PDS5A: variants seen among roughly 807,000 people sequenced by gnomAD.
PDS5A encodes PDS5 cohesin associated factor A, also known as sister chromatid cohesion protein PDS5 homolog A.
A neutral mutation model predicts 167.1 loss-of-function variants in PDS5A; 42 were observed. That is an observed-to-expected ratio of 0.25 (90% CI 0.20 to 0.33). The LOEUF is 0.33. Among genes scored for constraint, PDS5A ranks in the 10% least tolerant of loss-of-function variants. The pLI is 1.00. For synonymous variants in PDS5A, 553 were observed against 554.6 expected (o/e 1.00, Z 0.04); for missense variants, 1,033 against 1,605.9 (o/e 0.64, Z 6.10).
At chr4:39,837,777 G>T (rs1716564449) in intron 32 of PDS5A, 79 bp downstream of exon 32, 3 of 1,019,796 alleles carry the variant, frequency 2.9e-6, no homozygotes, top group South Asian at 3.3e-5. Flanking sequence ...TAGGTGTTTG[G>T]GGTGACTGGC....
At chr4:39,915,825 A>G (rs1724325631) in intron 8 of PDS5A, among the ~76,000 whole-genome samples, 1 of 152,242 alleles carries the variant, frequency 6.6e-6, no homozygotes, top group Non-Finnish European at 1.5e-5. Flanking sequence ...TTATTCTAAT[A>G]GCAAGTAACT....
intron 2 of PDS5A, among the ~76,000 whole-genome samples, chr4:39,952,931 G>A (rs911263429): frequency 6.6e-6 from 1 of 152,040 alleles, no homozygotes; most frequent in African/African-American, 2.4e-5. Context: ...GTTTTGCCAT[G>A]TTGGCTAGGC....
At chr4:39,908,679 T>C (rs776382285) in intron 10 of PDS5A, 139 bp from the exon 11 acceptor site, 4 of 625,904 alleles carry the variant, frequency 6.4e-6, no homozygotes, top group Non-Finnish European at 1.1e-5. Context: ...AATTAAATCA[T>C]GTTATTTTTA....
intron 23 of PDS5A, among the ~76,000 whole-genome samples, chr4:39,864,711 G>T (rs533644816): frequency 6.6e-6 from 1 of 152,176 alleles, no homozygotes; most frequent in Non-Finnish European, 1.5e-5. Flanking sequence ...ATTCATTCAG[G>T]AATCAAAGTT....
At chr4:39,930,246 A>AAAAAAAAAAAAAAAATTTTTT in intron 2 of PDS5A, among the ~76,000 whole-genome samples, 4 of 93,162 alleles carry the variant, frequency 4.3e-5, no homozygotes, top group Admixed American at 1.1e-4. Context: ...AAAAAAAAAA[A>AAAAAAAAAAAAAAAATTTTTT]GTTTTTTTGT....
intron 2 of PDS5A, among the ~76,000 whole-genome samples, chr4:39,967,218 T>C (rs774608114): frequency 2.8e-4 from 43 of 152,112 alleles, no homozygotes; most frequent in Admixed American, 2.2e-3. Context: ...AGCAGGAGAA[T>C]TGCTTGAACC....
chr4:39,921,206 A>G (rs770511807), intron 6 of PDS5A, among the ~76,000 whole-genome samples: 4 of 152,190 alleles, frequency 2.6e-5, no homozygotes, highest in Non-Finnish European at 5.9e-5. Context: ...CAACAACTAC[A>G]CAACTCTGCT....
At chr4:39,966,248 C>T (rs1427613223) in intron 2 of PDS5A, among the ~76,000 whole-genome samples, 1 of 152,096 alleles carries the variant, frequency 6.6e-6, no homozygotes, top group African/African-American at 2.4e-5. Context: ...CACTGTGTAG[C>T]AATGAGGGAT....
At chr4:39,829,739 C>T (rs571117721) in intron 32 of PDS5A, among the ~76,000 whole-genome samples, 118 of 151,532 alleles carry the variant, frequency 7.8e-4, no homozygotes, top group Non-Finnish European at 1.2e-3. Context: ...ATCACAAGGT[C>T]AGGAGATCAA....
chr4:39,870,521 G>T (rs1421017237), intron 21 of PDS5A, among the ~76,000 whole-genome samples: 1 of 152,088 alleles, frequency 6.6e-6, no homozygotes, highest in African/African-American at 2.4e-5. Flanking sequence ...CTGGGAAGCG[G>T]AGGTTGTGAT....
At chr4:39,969,203 T>C (rs1416471098) in intron 2 of PDS5A, among the ~76,000 whole-genome samples, 1 of 152,242 alleles carries the variant, frequency 6.6e-6, no homozygotes, top group Admixed American at 6.5e-5. Context: ...TAGCAGAAGT[T>C]AATGACACTT....
intron 26 of PDS5A, 90 bp downstream of exon 26, chr4:39,862,129 A>AATAAATAAAAATAATGT (rs1300425888): frequency 3.2e-4 from 159 of 490,838 alleles, no homozygotes; most frequent in African/African-American, 3.0e-3. Flanking sequence ...TTCTAATGTA[A>AATAAATAAAAATAATGT]ATAATAAATA....
rs538373103 is a variant in PDS5A, at chr4:39,894,701, C to A, written c.1770+3688G>T. Among the ~76,000 whole-genome samples, 6 of 152,290 alleles carry A rather than the reference C, an allele frequency of 3.9e-5. No individual in the cohort carries two copies. The East Asian group carries it at 9.6e-4, about 24-fold the overall frequency. ...TTATTTTAAAACCATCAACTCTAAT[C>A]CCTTCTAGAACAAAGTTAGACATAT... is the stretch of plus-strand genomic sequence containing the variant. On this transcript the variant is annotated intron_variant, in intron 16 of 32. Transcript: ENST00000303538.
At chr4:39,909,904 C>T (rs936652293) in intron 10 of PDS5A, among the ~76,000 whole-genome samples, 1 of 152,080 alleles carries the variant, frequency 6.6e-6, no homozygotes, top group African/African-American at 2.4e-5. Context: ...ACACTACTTC[C>T]TTAAATTATG....
chr4:39,895,199 CAAAAAAAAA>C (rs34303340), intron 16 of PDS5A, among the ~76,000 whole-genome samples: 2 of 93,428 alleles, frequency 2.1e-5, no homozygotes, highest in Admixed American at 1.4e-4. Flanking sequence ...GACTCCGTCT[CAAAAAAAAA>C]AAAAAAAAAA....
chr4:39,906,187 G>T (rs1723325988), intron 11 of PDS5A, among the ~76,000 whole-genome samples: 1 of 152,132 alleles, frequency 6.6e-6, no homozygotes, highest in African/African-American at 2.4e-5. Context: ...GGGCAACATG[G>T]TGAAACCCCG....
intron 2 of PDS5A, among the ~76,000 whole-genome samples, chr4:39,949,301 C>CAAA (rs71645201): frequency 0.27 from 25,577 of 93,424 alleles, 3,868 homozygotes; most frequent in Admixed American, 0.32. Context: ...GAACCTATCT[C>CAAA]AAAAAAAAAA....
chr4:39,844,615 T>C, intron 30 of PDS5A, 41 bp downstream of exon 30: 2 of 1,527,826 alleles, frequency 1.3e-6, no homozygotes, highest in Non-Finnish European at 1.8e-6. Flanking sequence ...ATAAACCAAG[T>C]AGTGAGTGCT....
At chr4:39,922,566 T>C in intron 6 of PDS5A, 56 bp downstream of exon 6, 1 of 1,413,438 alleles carries the variant, frequency 7.1e-7, no homozygotes, top group Non-Finnish European at 9.3e-7. Context: ...CTGTTCATTC[T>C]TATGTGTGGC....
Sources: gnomAD v4.1 joint callset for allele counts (sites outside exome capture counted in the v4.1 genomes callset) on GRCh38, gnomAD v4.1.1 for gene constraint, MANE v1.5 for transcripts, NCBI Gene and HGNC (gene_info 2026-07-23, HGNC 2026-07-21) for gene names.